FHOD3: variants seen among roughly 807,000 people sequenced by gnomAD.
FHOD3 encodes the protein FH1/FH2 domain-containing protein 3.
A neutral mutation model predicts 173.0 loss-of-function variants in FHOD3; 90 were observed. That is an observed-to-expected ratio of 0.52 (90% confidence interval 0.44 to 0.62). The LOEUF (loss-of-function observed/expected upper bound fraction) is 0.62, where lower values mean the gene tolerates loss of function less well. Ranked by LOEUF, FHOD3 falls within the 20% of genes least tolerant of loss-of-function variation. FHOD3 has a pLI of 0.00. For missense variants in FHOD3, 1,945 were observed against 2,034.7 expected (o/e 0.96, Z 0.85); for synonymous variants, 828 against 823.0 (o/e 1.01, Z -0.10).
At chr18:36,725,329 T>A (rs1466469048) in intron 19 of FHOD3, among the ~76,000 whole-genome samples, 1 of 152,206 alleles carries the variant, frequency 6.6e-6, no homozygotes, top group Non-Finnish European at 1.5e-5. Context: ...GCATTTTTTG[T>A]TAGTCTGCAT....
At chr18:36,446,812 A>C (rs1599152000) in intron 3 of FHOD3, among the ~76,000 whole-genome samples, 1 of 152,008 alleles carries the variant, frequency 6.6e-6, no homozygotes, top group African/African-American at 2.4e-5. Flanking sequence ...TCTCCAGTAG[A>C]ATGAGTTATT....
Position 36,687,193 on chromosome 18 carries a change from T to C in FHOD3, c.2021+15T>C. On this transcript the variant is annotated intron_variant, in intron 16 of 28. Coordinates refer to ENST00000590592, the MANE Select transcript of FHOD3 (RefSeq NM_001281740.3). ...AGAGAAGAAAGGTTTGTATATTTCTTCTTTCCCATTGTAACAAATGGCATG... is the reference window on the plus strand; with the variant it reads ...AGAGAAGAAAGGTTTGTATATTTCTCCTTTCCCATTGTAACAAATGGCATG... The C allele has an allele frequency of 1.3e-6, 2 of 1,594,592 alleles. No homozygotes were observed. The highest frequency in any genetic ancestry group is 1.7e-4 in the Middle Eastern group (1 of 6,032).
At position 36,542,553 on chromosome 18, in the gene FHOD3, G is replaced by T. The variant is rs1055617991; in HGVS notation, c.511+30010G>T. The stretch of plus-strand genomic sequence containing the variant: ...AGCTTTTGCTTGCTAAATATATAGG[G>T]TATTCTCTGAATTATCTTTTTATTG... On this transcript the variant is annotated intron_variant, in intron 5 of 28. Coordinates refer to ENST00000590592, the MANE Select transcript of FHOD3 (RefSeq NM_001281740.3). Among the ~76,000 whole-genome samples the T allele has an allele frequency of 5.3e-5, 8 of 152,208 alleles. No homozygotes were observed. The East Asian group carries it at 1.2e-3, about 22-fold the overall frequency.
chr18:36,648,978 G>A (rs1482534212), intron 10 of FHOD3, among the ~76,000 whole-genome samples: 1 of 152,216 alleles, frequency 6.6e-6, no homozygotes, highest in Non-Finnish European at 1.5e-5. Flanking sequence ...AAACCACAGA[G>A]GAGGTCTGCC....
At chr18:36,398,609 A>G (rs951719745) in intron 3 of FHOD3, among the ~76,000 whole-genome samples, 2 of 152,212 alleles carry the variant, frequency 1.3e-5, no homozygotes, top group Admixed American at 6.5e-5. Context: ...GTCAGGGCAT[A>G]TCAGGAACAA....
chr18:36,530,708 A>AT (rs1387602023), intron 5 of FHOD3, among the ~76,000 whole-genome samples: 1 of 152,102 alleles, frequency 6.6e-6, no homozygotes, highest in African/African-American at 2.4e-5. Flanking sequence ...CATCCATGTG[A>AT]TTTTCTCTAG....
At chr18:36,675,547 G>A (rs2037799750) in intron 14 of FHOD3, among the ~76,000 whole-genome samples, 1 of 152,148 alleles carries the variant, frequency 6.6e-6, no homozygotes, top group African/African-American at 2.4e-5. Context: ...AGCCTCCTAT[G>A]CCACTGGATA....
chr18:36,755,287 G>T lies in FHOD3; in HGVS notation c.4401G>T (p.Lys1467Asn). The T allele has an allele frequency of 1.9e-6, 3 of 1,592,564 alleles. No individual in the cohort carries two copies. Among genetic ancestry groups the T allele is most frequent in the South Asian group, 1.1e-5 (1 of 88,272 alleles). ...GGGCCAACCACAGAGAGAGAAATAA[G>T]ACCAGAGGGAAGATGATCACCGATG... ...QKRANHRERNKTRGKMITDTD... is the reference protein window; with the variant it reads ...QKRANHRERNNTRGKMITDTD... The change falls in exon 25 of 29, where the codon AAG (lysine) becomes AAT (asparagine). Residue 1467 changes from lysine (K) to asparagine (N), a missense_variant. Lys to Asn is a moderately conservative substitution (Grantham distance 94). Coordinates refer to ENST00000590592, the MANE Select transcript of FHOD3 (RefSeq NM_001281740.3).
chr18:36,355,187 A>G (rs888305647), intron 1 of FHOD3, among the ~76,000 whole-genome samples: 6 of 152,172 alleles, frequency 3.9e-5, no homozygotes, highest in Non-Finnish European at 7.3e-5. Flanking sequence ...GACTCAATCC[A>G]TGGTCACAGC....
At chr18:36,479,953 C>T (rs1378917566) in intron 3 of FHOD3, among the ~76,000 whole-genome samples, 1 of 152,194 alleles carries the variant, frequency 6.6e-6, no homozygotes, top group Non-Finnish European at 1.5e-5. Context: ...AGCAAATTAA[C>T]CATTTCTAAA....
At chr18:36,316,139 G>A (rs948061608) in intron 1 of FHOD3, among the ~76,000 whole-genome samples, 1 of 150,170 alleles carries the variant, frequency 6.7e-6, no homozygotes, top group Non-Finnish European at 1.5e-5. Context: ...AAAAAAAAAA[G>A]TTCCTTGACC....
At chr18:36,425,003 G>A (rs1211403882) in intron 3 of FHOD3, among the ~76,000 whole-genome samples, 1 of 152,128 alleles carries the variant, frequency 6.6e-6, no homozygotes, top group East Asian at 1.9e-4. Flanking sequence ...AGTAATGCTG[G>A]CAATTCAGAT....
At chr18:36,333,388 G>T (rs1462398002) in intron 1 of FHOD3, among the ~76,000 whole-genome samples, 2 of 152,214 alleles carry the variant, frequency 1.3e-5, no homozygotes, top group Admixed American at 1.3e-4. Context: ...CCAGGAGTTT[G>T]TTTACAAACT....
At chr18:36,453,673 A>G (rs10163692) in intron 3 of FHOD3, among the ~76,000 whole-genome samples, 22,892 of 152,186 alleles carry the variant, frequency 0.15, 3,911 homozygotes, top group African/African-American at 0.42. Flanking sequence ...GGATGGCTGG[A>G]ACAGGGAGCC....
chr18:36,731,375 A>G (rs1194937714), intron 20 of FHOD3, among the ~76,000 whole-genome samples: 2 of 152,152 alleles, frequency 1.3e-5, no homozygotes, highest in African/African-American at 4.8e-5. Context: ...GCCTGGGTTC[A>G]TGTTCTTCCA....
At chr18:36,420,943 A>ATGTTT (rs1214980034) in intron 3 of FHOD3, among the ~76,000 whole-genome samples, 1 of 152,180 alleles carries the variant, frequency 6.6e-6, no homozygotes, top group East Asian at 1.9e-4. Context: ...TGGATTTTTT[A>ATGTTT]TGTTTATCAC....
At chr18:36,649,094 C>T (rs1028917297) in intron 10 of FHOD3, among the ~76,000 whole-genome samples, 12 of 152,062 alleles carry the variant, frequency 7.9e-5, no homozygotes, top group Non-Finnish European at 1.2e-4. Flanking sequence ...CATCTCCACC[C>T]GACGTTTAAA....
At chr18:36,631,964 A>T (rs1247286973) in intron 10 of FHOD3, among the ~76,000 whole-genome samples, 2 of 152,210 alleles carry the variant, frequency 1.3e-5, no homozygotes, top group Non-Finnish European at 2.9e-5. Context: ...GATATACCAT[A>T]ATACCATGAT....
intron 18 of FHOD3, among the ~76,000 whole-genome samples, chr18:36,713,882 A>G (rs1052172167): frequency 2.6e-5 from 4 of 152,188 alleles, no homozygotes; most frequent in Admixed American, 1.3e-4. Flanking sequence ...CAAGTGGCAG[A>G]CTTAAGCTCT....
Sources: allele counts gnomAD v4.1 joint callset (sites outside exome capture counted in the v4.1 genomes callset), GRCh38; gene constraint gnomAD v4.1.1; transcripts MANE v1.5; gene names NCBI Gene and HGNC (gene_info 2026-07-23, HGNC 2026-07-21).